CD163L1: variants seen among roughly 807,000 people sequenced by gnomAD.
CD163L1 encodes scavenger receptor cysteine-rich type 1 protein M160.
In CD163L1, 124 loss-of-function variants were observed where a neutral mutation model predicts 165.4. The ratio of observed to expected loss-of-function variants is 0.75; its 90% CI spans 0.65 to 0.87. The LOEUF (loss-of-function observed/expected upper bound fraction) is 0.87, where lower values mean the gene tolerates loss of function less well. CD163L1 is among the 40% of genes least tolerant of loss of function. CD163L1 has a pLI of 0.00. For missense variants in CD163L1, 1,525 were observed against 1,799.9 expected, an observed-to-expected ratio of 0.85 and a Z score of 2.76; for synonymous variants, 585 against 662.2, an observed-to-expected ratio of 0.88 and a Z score of 1.79.
the CD163L1 span, chr12:7,322,577 G>C: frequency 6.4e-7 from 1 of 1,574,458 alleles, no homozygotes; most frequent in Non-Finnish European, 8.6e-7. Flanking sequence ...AGTATATGTG[G>C]GGGCCTTTCT....
chr12:7,354,133 A>G (rs1432190407), downstream of CD163L1, among the ~76,000 whole-genome samples: 2 of 152,046 alleles, frequency 1.3e-5, no homozygotes, highest in East Asian at 3.8e-4. Context: ...GAGAGCAGAG[A>G]CCCTAAATGA....
intron 8 of CD163L1, among the ~76,000 whole-genome samples, chr12:7,393,855 A>G (rs1219506395): frequency 2.0e-5 from 3 of 152,316 alleles, no homozygotes; most frequent in Admixed American, 6.5e-5. Flanking sequence ...TAGGAATCCA[A>G]CTTACAAGGG....
chr12:7,384,581 G>C (rs1226357072), intron 8 of CD163L1, among the ~76,000 whole-genome samples: 3 of 152,076 alleles, frequency 2.0e-5, no homozygotes, highest in Non-Finnish European at 4.4e-5. Flanking sequence ...AGGAAACCCA[G>C]ATCAGATGAA....
intron 8 of CD163L1, among the ~76,000 whole-genome samples, chr12:7,380,468 G>A (rs974219739): frequency 1.1e-4 from 17 of 151,598 alleles, no homozygotes; most frequent in African/African-American, 3.9e-4. Context: ...ATGAATTAAT[G>A]GCATTCACAG....
Position 7,374,546 on chromosome 12 carries a change from TCATC to T in CD163L1, c.3301_3304del (p.Asp1101ThrfsTer2), listed in dbSNP as rs781408227. The T allele has an allele frequency of 1.9e-6, 3 of 1,614,164 alleles. No homozygotes were observed. On this transcript the variant is annotated frameshift_variant, in exon 13 of 20. Coordinates refer to ENST00000313599, the MANE Select transcript of CD163L1 (RefSeq NM_174941.6). LOFTEE classifies it high-confidence loss of function. This position sits in a 1 kb window ranked among gnomAD's most constrained non-coding sequence, Gnocchi z 5.4. ...GGACTCCATTCCTGTGCAGTTCAGGTCATCCAGCCAGATGGGCCCTGACCCCTCC... is the reference window on the plus strand; with the variant it reads ...GGACTCCATTCCTGTGCAGTTCAGGTCAGCCAGATGGGCCCTGACCCCTCC...
intron 14 of CD163L1, among the ~76,000 whole-genome samples, chr12:7,370,162 C>T (rs1310028501): frequency 6.6e-6 from 1 of 152,162 alleles, no homozygotes; most frequent in East Asian, 1.9e-4. Flanking sequence ...ACTACAAACA[C>T]TCTCTTTCCC....
chr12:7,322,350 C>T, the CD163L1 span: 3 of 1,600,462 alleles, frequency 1.9e-6, no homozygotes, highest in Non-Finnish European at 2.6e-6. Context: ...GCTTGAATGT[C>T]CTAATTGTCT....
chr12:7,412,474 A>C (rs1313370345), intron 4 of CD163L1, among the ~76,000 whole-genome samples: 1 of 152,212 alleles, frequency 6.6e-6, no homozygotes, highest in East Asian at 1.9e-4. Flanking sequence ...TGGAACATAA[A>C]ATTTCCATGG....
the CD163L1 span, among the ~76,000 whole-genome samples, chr12:7,337,030 A>C: frequency 6.6e-6 from 1 of 152,192 alleles, no homozygotes; most frequent in Non-Finnish European, 1.5e-5. Flanking sequence ...ATCGAGAACC[A>C]TCTGATCTTC....
At chr12:7,425,771 A>G (rs753348667) in intron 4 of CD163L1, among the ~76,000 whole-genome samples, 16 of 152,326 alleles carry the variant, frequency 1.1e-4, no homozygotes, top group African/African-American at 3.1e-4. Context: ...CAAAACCACA[A>G]TGAGATACAT....
chr12:7,426,878 T>C (rs773080381), intron 4 of CD163L1, among the ~76,000 whole-genome samples: 2 of 152,208 alleles, frequency 1.3e-5, no homozygotes, highest in Non-Finnish European at 2.9e-5. Flanking sequence ...TTCATGTAAA[T>C]GGCAACCAAA....
At chr12:7,329,751 A>T in the CD163L1 span, among the ~76,000 whole-genome samples, 1 of 152,192 alleles carries the variant, frequency 6.6e-6, no homozygotes, top group South Asian at 2.1e-4. Flanking sequence ...AATAGTTGAT[A>T]AACCTGAAAA....
intron 8 of CD163L1, among the ~76,000 whole-genome samples, chr12:7,380,346 CATGT>C (rs1947364606): frequency 1.4e-5 from 2 of 144,970 alleles, no homozygotes; most frequent in African/African-American, 2.7e-5. Context: ...CGTATACATA[CATGT>C]ATGTGTGTAT....
chr12:7,403,616 A>T lies in CD163L1; in HGVS notation c.1327T>A (p.Ser443Thr), dbSNP rs772295169. 69 of 1,613,834 alleles carry T rather than the reference A, an allele frequency of 4.3e-5. 1 individual carries two copies. Among genetic ancestry groups the T allele is most frequent in the Non-Finnish European group, 3.4e-6 (4 of 1,179,958 alleles). The stretch of plus-strand genomic sequence containing the variant: ...TCATATGTGCAGTCCCAGAGAGCTG[A>T]CTCATTCCCAGTGCAAGATATGCTG... ...INSISCTGNE[S>T]ALWDCTYDGK... is the part of the protein sequence containing the mutation. The change falls in exon 6 of 20, where the codon TCA becomes ACA. Residue 443 changes from serine to threonine, a missense_variant. Coordinates refer to ENST00000313599, the MANE Select transcript of CD163L1 (RefSeq NM_174941.6).
At chr12:7,424,671 A>T (rs895334139) in intron 4 of CD163L1, among the ~76,000 whole-genome samples, 1 of 152,238 alleles carries the variant, frequency 6.6e-6, no homozygotes, top group African/African-American at 2.4e-5. Context: ...AAAAATCACA[A>T]GCATTCCTAT....
chr12:7,384,333 CAGA>C (rs1158129570), intron 8 of CD163L1, among the ~76,000 whole-genome samples: 3 of 151,884 alleles, frequency 2.0e-5, no homozygotes, highest in Admixed American at 2.0e-4. Flanking sequence ...CTGGGTGTTC[CAGA>C]AGGAGAAGAG....
chr12:7,425,021 T>C (rs1412023139), intron 4 of CD163L1, among the ~76,000 whole-genome samples: 1 of 152,196 alleles, frequency 6.6e-6, no homozygotes, highest in Non-Finnish European at 1.5e-5. Context: ...AGAGCCCATA[T>C]AGCCAAGACA....
At chr12:7,435,892 G>A (rs970817323) in intron 2 of CD163L1, among the ~76,000 whole-genome samples, 9 of 152,084 alleles carry the variant, frequency 5.9e-5, no homozygotes, top group African/African-American at 2.2e-4. Flanking sequence ...CATTGCAACA[G>A]CAGAGATGAA....
chr12:7,321,003 G>A, the CD163L1 span, among the ~76,000 whole-genome samples: 21 of 152,092 alleles, frequency 1.4e-4, no homozygotes, highest in Non-Finnish European at 2.4e-4. Flanking sequence ...TCTATTAGAC[G>A]CCAGTAGCAC....
Sources: gnomAD v4.1 joint callset for allele counts (sites outside exome capture counted in the v4.1 genomes callset) on GRCh38, gnomAD v4.1.1 for gene constraint, Gnocchi (gnomAD v3.1) non-coding constraint, MANE v1.5 for transcripts, NCBI Gene and HGNC (gene_info 2026-07-23, HGNC 2026-07-21) for gene names.